PCNX2: variants seen among roughly 807,000 people sequenced by gnomAD.
PCNX2 encodes pecanex 2.
In PCNX2, 168 loss-of-function variants were observed where a neutral mutation model predicts 223.8. The observed-to-expected ratio is 0.75, with a 90% CI of 0.66 to 0.85. PCNX2 has a LOEUF of 0.85. PCNX2 is among the 40% of genes least tolerant of loss of function. The pLI, the probability that PCNX2 is intolerant of heterozygous loss-of-function variation, is 0.00. For synonymous variants in PCNX2, 1,006 were observed against 1,052.6 expected, an observed-to-expected ratio of 0.96 and a Z score of 0.86; for missense variants, 2,507 against 2,675.5, an observed-to-expected ratio of 0.94 and a Z score of 1.39.
In PCNX2 at chr1:233,258,909, A is replaced by T. The variant is rs994317016; in HGVS notation, c.953T>A (p.Ile318Asn). The T allele has an allele frequency of 6.2e-7, 1 of 1,613,810 alleles. No homozygotes were observed. The highest frequency in any genetic ancestry group is 8.5e-7 in the Non-Finnish European group (1 of 1,179,868). Residue 318 changes from isoleucine to asparagine, a missense_variant, in exon 5 of 34, where the codon ATC becomes AAC. By Grantham distance (149) the Ile-to-Asn change is moderately radical (BLOSUM62 -3). This residue lies in a region of PCNX2 where 1,031 missense variants were observed against 1,021.7 expected (regional missense o/e 1.01). Coordinates refer to ENST00000258229, the MANE Select transcript of PCNX2 (RefSeq NM_014801.4). ...LSSSCPQCDT[I>N]VAKPVEEPAD... ...TGGCTCCTCCACAGGCTTGGCCACG[A>T]TGGTGTCACATTGAGGGCAGCTGCT...
At chr1:233,141,432 C>T (rs1169231475) in intron 19 of PCNX2, among the ~76,000 whole-genome samples, 1 of 152,134 alleles carries the variant, frequency 6.6e-6, no homozygotes, top group Non-Finnish European at 1.5e-5. Context: ...TTTGGGAGGC[C>T]AAGGTGGACA....
chr1:233,193,450 A>G (rs1680534929), intron 15 of PCNX2, among the ~76,000 whole-genome samples: 1 of 152,210 alleles, frequency 6.6e-6, no homozygotes, highest in Non-Finnish European at 1.5e-5. Context: ...ACGCCTAATC[A>G]TAGTCCACTA....
At chr1:233,233,424 C>CTTTG (rs1491577839) in intron 9 of PCNX2, among the ~76,000 whole-genome samples, 1 of 140,242 alleles carries the variant, frequency 7.1e-6, no homozygotes, top group Admixed American at 7.3e-5. Context: ...TCCTCTTCTC[C>CTTTG]TGTGTGTGTG....
Position 232,983,981 on chromosome 1 carries a change from T to G in PCNX2, c.*323A>C. The G allele has an allele frequency of 4.6e-6, 1 of 219,216 alleles. No individual in the cohort carries two copies. Among genetic ancestry groups the G allele is most frequent in the East Asian group, 9.4e-5 (1 of 10,610 alleles). 13.6% of individuals were successfully genotyped at this position (219,216 alleles called of 1,614,324 possible). A position where few individuals can be genotyped will look rare whatever the true frequency, so the allele number is the denominator to read the frequency against. On this transcript the variant is annotated 3_prime_UTR_variant, in exon 34 of 34. Transcript: ENST00000258229. ...TTTTGAGATTTCAGATTCTGGAACA[T>G]GTGTGGTGCTGTCCGCGGTGTGCCG...
At chr1:233,081,606 G>T (rs1015186922) in intron 23 of PCNX2, among the ~76,000 whole-genome samples, 8 of 152,282 alleles carry the variant, frequency 5.3e-5, no homozygotes, top group African/African-American at 1.9e-4. Flanking sequence ...CTTGCAAAGT[G>T]GCCACTCACC....
chr1:232,998,294 A>G lies in PCNX2; in HGVS notation c.5748T>C (p.Gly1916=). ...CACAGGATGACACCCCGTGCTGAGC[A>G]CCGCCTTTTCTGGGCTGTTCTGCGC... ...ESSAEQPRKG[G]AQHGVSSCEG... Residue 1916 remains glycine (G), a synonymous_variant, in exon 32 of 34, where the codon GGT becomes GGC. Transcript: ENST00000258229. The G allele has an allele frequency of 6.2e-7, 1 of 1,606,654 alleles. No individual in the cohort carries two copies.
intron 17 of PCNX2, among the ~76,000 whole-genome samples, chr1:233,175,851 T>A (rs76157592): frequency 0.013 from 1,961 of 152,316 alleles, 25 homozygotes; most frequent in South Asian, 0.037. Flanking sequence ...AAAAAAAGCC[T>A]TAATACTAGT....
At position 233,262,032 on chromosome 1, in the gene PCNX2, G is replaced by T; in HGVS notation, c.480+13C>A. ...CACATGAAGAGGGTGAAACAGGAAA[G>T]AAGACCACTAACCAATGGCCCAGAA... On this transcript the variant is annotated intron_variant, in intron 3 of 33. Transcript: ENST00000258229. 1 of 1,613,476 alleles carries T rather than the reference G, an allele frequency of 6.2e-7. No homozygotes were observed. Among genetic ancestry groups the T allele is most frequent in the Non-Finnish European group, 8.5e-7 (1 of 1,179,520 alleles).
At chr1:233,293,470 G>T (rs1438252076) in intron 1 of PCNX2, among the ~76,000 whole-genome samples, 3 of 152,308 alleles carry the variant, frequency 2.0e-5, no homozygotes, top group East Asian at 3.9e-4. Flanking sequence ...TCTAGACATA[G>T]AAGTGAAATA....
chr1:233,235,028 G>T (rs943202116), intron 9 of PCNX2, among the ~76,000 whole-genome samples: 5 of 151,966 alleles, frequency 3.3e-5, no homozygotes, highest in African/African-American at 1.2e-4. Flanking sequence ...AACCAGGCAG[G>T]TACAACACAC....
intron 1 of PCNX2, chr1:233,290,758 T>A (rs1661713066): frequency 1.0e-6 from 1 of 984,454 alleles, no homozygotes; most frequent in African/African-American, 1.8e-5. Flanking sequence ...TCTCTAAGAT[T>A]AAATTTTAAA....
At chr1:233,082,513 C>A (rs967194665) in intron 23 of PCNX2, among the ~76,000 whole-genome samples, 1 of 152,150 alleles carries the variant, frequency 6.6e-6, no homozygotes, top group Non-Finnish European at 1.5e-5. Flanking sequence ...ACCTTGCAAA[C>A]GTATCCAAAT....
chr1:233,211,248 A>T (rs1188074821), intron 12 of PCNX2, among the ~76,000 whole-genome samples: 7 of 152,068 alleles, frequency 4.6e-5, no homozygotes. Flanking sequence ...TGCATGTGCC[A>T]GCTCCAGGCT....
the PCNX2 span, among the ~76,000 whole-genome samples, chr1:233,301,315 A>G: frequency 6.6e-6 from 1 of 152,330 alleles, no homozygotes; most frequent in African/African-American, 2.4e-5. Flanking sequence ...GCAGGCCAGT[A>G]TTACAGAGAA....
At chr1:233,266,847 A>G (rs1307841034) in intron 1 of PCNX2, among the ~76,000 whole-genome samples, 1 of 152,234 alleles carries the variant, frequency 6.6e-6, no homozygotes, top group Admixed American at 6.5e-5. Flanking sequence ...TAATATAACT[A>G]GTATTATAAT....
chr1:233,120,890 CTAACTA>C (rs755135147), intron 21 of PCNX2, among the ~76,000 whole-genome samples: 4 of 152,012 alleles, frequency 2.6e-5, no homozygotes, highest in Non-Finnish European at 4.4e-5. Context: ...GAACCAACTA[CTAACTA>C]TAAGTTTGAT....
intron 20 of PCNX2, among the ~76,000 whole-genome samples, chr1:233,136,031 A>G (rs1558268564): frequency 6.6e-6 from 1 of 152,232 alleles, no homozygotes; most frequent in Non-Finnish European, 1.5e-5. Context: ...CAGATGATAA[A>G]GTCAACAATG....
At chr1:233,274,603 C>T (rs535208233) in intron 1 of PCNX2, among the ~76,000 whole-genome samples, 2 of 152,246 alleles carry the variant, frequency 1.3e-5, no homozygotes. Context: ...TCAAGCAAAT[C>T]AGGTGTGCCT....
At chr1:233,048,988 T>C (rs1017544810) in intron 25 of PCNX2, among the ~76,000 whole-genome samples, 1 of 152,094 alleles carries the variant, frequency 6.6e-6, no homozygotes, top group Admixed American at 6.5e-5. Flanking sequence ...CAGACCAATA[T>C]TGAGTTCTGA....
Sources: gnomAD v4.1 joint callset for allele counts (sites outside exome capture counted in the v4.1 genomes callset) on GRCh38, gnomAD v4.1.1 for gene constraint, gnomAD v4.1.1 regional missense constraint, MANE v1.5 for transcripts, NCBI Gene and HGNC (gene_info 2026-07-23, HGNC 2026-07-21) for gene names.